The following GPM6B variants were observed in gnomAD, a reference collection of about 807,000 sequenced individuals.
GPM6B encodes neuronal membrane glycoprotein M6-b.
In GPM6B, 4 loss-of-function variants were observed where a neutral mutation model predicts 27.2. The observed-to-expected ratio is 0.15, with a 90% confidence interval of 0.07 to 0.34. The LOEUF (loss-of-function observed/expected upper bound fraction) is 0.34. Ranked by LOEUF, GPM6B falls within the 10% of genes least tolerant of loss-of-function variation. GPM6B has a pLI of 1.00. For missense variants in GPM6B, 183 were observed against 261.9 expected, an observed-to-expected ratio of 0.70 and a Z score of 2.08; for synonymous variants, 124 against 103.1, an observed-to-expected ratio of 1.20 and a Z score of -1.23.
At chrX:13,905,222 C>A (rs2067197547) in intron 1 of GPM6B, among the ~76,000 whole-genome samples, 2 of 79,676 alleles carry the variant, frequency 2.5e-5, no homozygotes, top group African/African-American at 5.2e-5. Context: ...CAGAGTGAGG[C>A]CCTGTCTCAA....
chrX:13,832,094 C>A (rs1450732553), intron 1 of GPM6B, among the ~76,000 whole-genome samples: 1 of 111,216 alleles, frequency 9.0e-6, no homozygotes, highest in African/African-American at 3.3e-5. Context: ...ATTAAAAAAA[C>A]AGGCTATTGA....
intron 1 of GPM6B, among the ~76,000 whole-genome samples, chrX:13,864,944 C>G (rs1366442681): frequency 1.8e-5 from 2 of 111,794 alleles, no homozygotes; most frequent in African/African-American, 6.5e-5. Context: ...ATAAATTAGG[C>G]ACAGTGAGAA....
At chrX:13,793,695 A>T (rs1737752548) in intron 2 of GPM6B, among the ~76,000 whole-genome samples, 1 of 112,198 alleles carries the variant, frequency 8.9e-6, no homozygotes, top group East Asian at 2.8e-4. Flanking sequence ...TAATCTGGGG[A>T]GCATCTGAAA....
intron 5 of GPM6B, among the ~76,000 whole-genome samples, chrX:13,778,054 G>GTTTTTT (rs34053837): frequency 1.1e-5 from 1 of 93,785 alleles, no homozygotes; most frequent in African/African-American, 3.9e-5. Context: ...AAATTGGTTT[G>GTTTTTT]TTTTTTTTTT....
chrX:13,907,013 A>G (rs1044392413), intron 1 of GPM6B, among the ~76,000 whole-genome samples: 1 of 112,665 alleles, frequency 8.9e-6, no homozygotes, highest in African/African-American at 3.2e-5. Context: ...TGGAATAAAT[A>G]TACAAAATAG....
At chrX:13,931,356 TGG>T (rs1921531336) in intron 1 of GPM6B, among the ~76,000 whole-genome samples, 1 of 108,127 alleles carries the variant, frequency 9.2e-6, no homozygotes, top group African/African-American at 3.4e-5. Flanking sequence ...GGCATGGTGG[TGG>T]GCGCCTGTAG....
chrX:13,794,055 C>CATAT (rs1460467870), intron 2 of GPM6B, among the ~76,000 whole-genome samples: 1 of 112,257 alleles, frequency 8.9e-6, no homozygotes, highest in Non-Finnish European at 1.9e-5. Flanking sequence ...CATTCATTTA[C>CATAT]ATATGGTCTA....
intron 1 of GPM6B, among the ~76,000 whole-genome samples, chrX:13,933,993 C>T (rs181808154): frequency 2.7e-5 from 3 of 110,572 alleles, no homozygotes; most frequent in East Asian, 2.8e-4. Context: ...ATAAGTGGCA[C>T]GTTTTATGAT....
In GPM6B at chrX:13,783,445, C is replaced by T; in HGVS notation, c.445G>A (p.Gly149Ser). The T allele has an allele frequency of 8.3e-7, 1 of 1,204,662 alleles. No individual in the cohort carries two copies. The highest frequency in any genetic ancestry group is 1.8e-5 in the South Asian group (1 of 56,633). The change falls in exon 4 of 8, where the codon GGC becomes AGC. Residue 149 changes from glycine (G) to serine (S), a missense_variant. Coordinates refer to ENST00000316715, the MANE Select transcript of GPM6B (RefSeq NM_001001995.3). ...FLYGIILLAE[G>S]FYTTSAVKEL... ...TTCACTGCACTTGTGGTGTAAAAGC[C>T]TTCTGCCAACAGAATGATCCCATAC...
chrX:13,837,655 TC>T lies in GPM6B; in HGVS notation c.-197-51848del, dbSNP rs747766003. ...GGAAATGTGCTGCAAATTAGCATAT[TC>T]CCCCCCTCCACACAATAGAGGCTTT... On this transcript the variant is annotated intron_variant, in intron 1 of 6. Transcript: ENST00000398361. Among the ~76,000 whole-genome samples, 421 of 87,896 alleles carry T rather than the reference TC, an allele frequency of 4.8e-3. 3 individuals carry two copies. The highest frequency in any genetic ancestry group is 8.0e-3 in the Non-Finnish European group (373 of 46,826). The allele number at this position is 87,896 out of a possible 115,157, so 76.3% of individuals were successfully genotyped here. A position where few individuals can be genotyped will look rare whatever the true frequency, so the allele number is the denominator to read the frequency against.
intron 1 of GPM6B, among the ~76,000 whole-genome samples, chrX:13,906,304 G>GT (rs2050330613): frequency 8.9e-6 from 1 of 112,000 alleles, no homozygotes; most frequent in South Asian, 3.7e-4. Context: ...ACAAATTTGA[G>GT]TAAGTCTGGG....
At chrX:13,927,077 A>T (rs755076252) in intron 1 of GPM6B, among the ~76,000 whole-genome samples, 12 of 111,741 alleles carry the variant, frequency 1.1e-4, no homozygotes, top group Non-Finnish European at 2.3e-4. Flanking sequence ...AAATCAAGAC[A>T]AATACAAATA....
upstream of GPM6B, among the ~76,000 whole-genome samples, chrX:13,821,121 AG>A (rs2049301865): frequency 9.0e-6 from 1 of 111,428 alleles, no homozygotes; most frequent in South Asian, 3.8e-4. Flanking sequence ...GCAAGCAGAA[AG>A]GAGTTTTACC....
chrX:13,861,043 CATAT>C (rs746863737), intron 1 of GPM6B, among the ~76,000 whole-genome samples: 1 of 49,678 alleles, frequency 2.0e-5, no homozygotes, highest in African/African-American at 1.9e-4. Context: ...CACACACACA[CATAT>C]ATACATATAT....
At chrX:13,907,657 C>T (rs1181201096) in intron 1 of GPM6B, among the ~76,000 whole-genome samples, 3 of 112,086 alleles carry the variant, frequency 2.7e-5, no homozygotes, top group South Asian at 7.4e-4. Context: ...GCAACAAGAG[C>T]GAAACTCTGT....
At chrX:13,936,795 C>G (rs1258982121) in intron 1 of GPM6B, among the ~76,000 whole-genome samples, 1 of 112,325 alleles carries the variant, frequency 8.9e-6, no homozygotes, top group Non-Finnish European at 1.9e-5. Context: ...ATGAGAACTG[C>G]ACCCAACTCC....
intron 1 of GPM6B, among the ~76,000 whole-genome samples, chrX:13,826,603 C>T (rs983762182): frequency 1.8e-5 from 2 of 109,229 alleles, no homozygotes; most frequent in African/African-American, 3.4e-5. Flanking sequence ...CCAAGTGTAG[C>T]GGGGCACACC....
At chrX:13,889,878 C>G (rs940437357) in intron 1 of GPM6B, among the ~76,000 whole-genome samples, 2 of 110,275 alleles carry the variant, frequency 1.8e-5, no homozygotes, top group African/African-American at 6.6e-5. Flanking sequence ...ATTTCAATAG[C>G]CTAATTTTAC....
At chrX:13,836,846 C>T (rs556691693) in intron 1 of GPM6B, among the ~76,000 whole-genome samples, 1 of 112,461 alleles carries the variant, frequency 8.9e-6, no homozygotes, top group South Asian at 3.7e-4. Flanking sequence ...CTAATGCATG[C>T]ATTATTCTTC....
Sources: gnomAD v4.1 joint callset for allele counts (sites outside exome capture counted in the v4.1 genomes callset) on GRCh38, gnomAD v4.1.1 for gene constraint, MANE v1.5 for transcripts, NCBI Gene and HGNC (gene_info 2026-07-23, HGNC 2026-07-21) for gene names.